The following KCNQ1OT1 variants were observed in gnomAD, a reference collection of about 807,000 sequenced individuals.
KCNQ1OT1 encodes the protein KCNQ1 opposite strand/antisense transcript 1, also known as KCNQ1 antisense RNA 2 (non-protein coding).
exon 1 of KCNQ1OT1, chr11:2,675,338 T>A (rs1850274823): frequency 5.0e-6 from 2 of 398,538 alleles, no homozygotes; most frequent in African/African-American, 2.1e-5. Flanking sequence ...TAAGTCATAT[T>A]TTTTTAATGA....
chr11:2,644,949 C>T (rs1590001764), exon 1 of KCNQ1OT1: 2 of 398,434 alleles, frequency 5.0e-6, no homozygotes, highest in Admixed American at 4.4e-5. Context: ...AGTGGCTGGC[C>T]CCGAATGCTT....
Position 2,673,864 on chromosome 11 carries a change from G to C in KCNQ1OT1, n.26131C>G. 2.5e-6 allele frequency: 1 copy of C among 398,670 alleles called. No homozygotes were observed. 24.7% of individuals were successfully genotyped at this position (398,670 alleles called of 1,614,324 possible). A position where few individuals can be genotyped will look rare whatever the true frequency, so the allele number is the denominator to read the frequency against. On this transcript the variant is annotated non_coding_transcript_exon_variant, in exon 1 of 1. Coordinates refer to ENST00000597346, the Ensembl canonical transcript of KCNQ1OT1. The surrounding 1 kb of genome is among the most constrained non-coding windows in gnomAD (Gnocchi z 4.5). ...AGAGTCAAGGTTGGATATGAAGAGG[G>C]ACTTCCTGAAAGCAGGCACAGGAAG...
rs921787266 is a variant in KCNQ1OT1 at position 2,673,569 on chromosome 11, A to G, written n.26426T>C. 4.0e-5 allele frequency: 16 copies of G among 398,618 alleles called. No homozygotes were observed. Among genetic ancestry groups the G allele is most frequent in the African/African-American group, 2.9e-4 (14 of 48,642 alleles). 24.7% of individuals were successfully genotyped at this position (398,618 alleles called of 1,614,324 possible). Reference sequence around the variant, plus strand: ...ATCCCCTCCCTGGCCATGCAGGTGGAAGACCCTATTACTTGGGCTAAAGAG... The same window carrying G: ...ATCCCCTCCCTGGCCATGCAGGTGGGAGACCCTATTACTTGGGCTAAAGAG... On this transcript the variant is annotated non_coding_transcript_exon_variant, in exon 1 of 1. Transcript: ENST00000597346. This position sits in a 1 kb window ranked among gnomAD's most constrained non-coding sequence, Gnocchi z 4.5.
At position 2,617,532 on chromosome 11, in the gene KCNQ1OT1, A is replaced by G; in HGVS notation, n.82463T>C. ...AATGCCACAATGAATATAGGAGCGC[A>G]GATATCTTTATGAGGTGGAGATTTC... On this transcript the variant is annotated non_coding_transcript_exon_variant, in exon 1 of 1. Transcript: ENST00000597346. The surrounding 1 kb of genome is among the most constrained non-coding windows in gnomAD (Gnocchi z 4.6). The G allele has an allele frequency of 2.5e-6, 1 of 398,490 alleles. No individual in the cohort carries two copies. The highest frequency in any genetic ancestry group is 1.3e-4 in the South Asian group (1 of 7,854). The allele number at this position is 398,490 out of a possible 1,614,324, so 24.7% of individuals were successfully genotyped here.
At position 2,620,509 on chromosome 11, in the gene KCNQ1OT1, C is replaced by G. The variant is rs1005002771; in HGVS notation, n.79486G>C. The G allele has an allele frequency of 5.3e-6, 2 of 379,834 alleles. No individual in the cohort carries two copies. The highest frequency in any genetic ancestry group is 9.3e-6 in the Non-Finnish European group (2 of 215,178). 23.5% of individuals were successfully genotyped at this position (379,834 alleles called of 1,614,324 possible). A position where few individuals can be genotyped will look rare whatever the true frequency, so the allele number is the denominator to read the frequency against. On this transcript the variant is annotated non_coding_transcript_exon_variant, in exon 1 of 1. Transcript: ENST00000597346. This position sits in a 1 kb window ranked among gnomAD's most constrained non-coding sequence, Gnocchi z 4.5. ...GGGATTACAGGTGAGAGCTACCGCA[C>G]CTGGCCGAATTCATTCATTTTTATG...
At chr11:2,699,696 C>G in exon 1 of KCNQ1OT1, 1 of 227,800 alleles carries the variant, frequency 4.4e-6, no homozygotes, top group Non-Finnish European at 6.8e-6. Context: ...CCCGGGTGCC[C>G]CGAGGAGAAC....
exon 1 of KCNQ1OT1, chr11:2,693,111 C>G (rs1485063690): frequency 1.3e-5 from 5 of 398,526 alleles, no homozygotes; most frequent in Admixed American, 4.4e-5. Flanking sequence ...GTCATTTGCC[C>G]CAAGACTACT....
At position 2,661,895 on chromosome 11, in the gene KCNQ1OT1, C is replaced by A; in HGVS notation, n.38100G>T. 6.2e-7 allele frequency: 1 copy of A among 1,608,568 alleles called. No individual in the cohort carries two copies. Among genetic ancestry groups the A allele is most frequent in the Non-Finnish European group, 8.5e-7 (1 of 1,175,598 alleles). On this transcript the variant is annotated non_coding_transcript_exon_variant, in exon 1 of 1. Transcript: ENST00000597346. This position sits in a 1 kb window ranked among gnomAD's most constrained non-coding sequence, Gnocchi z 5.9. The stretch of plus-strand genomic sequence containing the variant: ...CACCTGGCCCTGGGAGCTCACAGGC[C>A]TGGCTCCACAGCACTGGCAGGTTGG...
rs991846655 is a variant in KCNQ1OT1 at position 2,623,850 on chromosome 11, G to T, written n.76145C>A. On this transcript the variant is annotated non_coding_transcript_exon_variant, in exon 1 of 1. Coordinates refer to ENST00000597346, the Ensembl canonical transcript of KCNQ1OT1. The surrounding 1 kb of genome is among the most constrained non-coding windows in gnomAD (Gnocchi z 5.2). Reference sequence around the variant, plus strand: ...AATTTTATAAGAAACCACTGATTTCGATATACTCTGGATTCTTCGGGGGAT... The same window carrying T: ...AATTTTATAAGAAACCACTGATTTCTATATACTCTGGATTCTTCGGGGGAT... 3 of 398,338 alleles carry T rather than the reference G, an allele frequency of 7.5e-6. No homozygotes were observed. The highest frequency in any genetic ancestry group is 1.3e-5 in the Non-Finnish European group (3 of 226,038). The allele number at this position is 398,338 out of a possible 1,614,324, so 24.7% of individuals were successfully genotyped here. A position where few individuals can be genotyped will look rare whatever the true frequency, so the allele number is the denominator to read the frequency against.
In KCNQ1OT1 at chr11:2,687,063, C is replaced by A. The variant is rs1850502157; in HGVS notation, n.12932G>T. 2.5e-6 allele frequency: 1 copy of A among 398,530 alleles called. No individual in the cohort carries two copies. Among genetic ancestry groups the A allele is most frequent in the Admixed American group, 4.4e-5 (1 of 22,724 alleles). 24.7% of individuals were successfully genotyped at this position (398,530 alleles called of 1,614,324 possible). A position where few individuals can be genotyped will look rare whatever the true frequency, so the allele number is the denominator to read the frequency against. On this transcript the variant is annotated non_coding_transcript_exon_variant, in exon 1 of 1. Transcript: ENST00000597346. This position sits in a 1 kb window ranked among gnomAD's most constrained non-coding sequence, Gnocchi z 5.0. ...CCCAGCTCTGGGGGACAAGGACCCA[C>A]AAAGTGATGCAAGATATCCTGAGTT...
rs562094485 is a variant in KCNQ1OT1, at chr11:2,671,899, G to A, written n.28096C>T. 3.0e-5 allele frequency: 12 copies of A among 398,708 alleles called. No individual in the cohort carries two copies. The highest frequency in any genetic ancestry group is 4.1e-5 in the African/African-American group (2 of 48,756). The allele number at this position is 398,708 out of a possible 1,614,324, so 24.7% of individuals were successfully genotyped here. A position where few individuals can be genotyped will look rare whatever the true frequency, so the allele number is the denominator to read the frequency against. Reference sequence around the variant, plus strand: ...GGAGGTGGGCAGCACCAGGCAGCCAGCCTGTGGGCCCCGCTATGCTTCCTC... The same window carrying A: ...GGAGGTGGGCAGCACCAGGCAGCCAACCTGTGGGCCCCGCTATGCTTCCTC... On this transcript the variant is annotated non_coding_transcript_exon_variant, in exon 1 of 1. Coordinates refer to ENST00000597346, the Ensembl canonical transcript of KCNQ1OT1. The surrounding 1 kb of genome is among the most constrained non-coding windows in gnomAD (Gnocchi z 4.7).
chr11:2,616,212 T>A (rs1849061295), exon 1 of KCNQ1OT1: 1 of 397,498 alleles, frequency 2.5e-6, no homozygotes, highest in East Asian at 3.6e-5. Context: ...TTGTTTTTTT[T>A]TCTTATTTTT....
chr11:2,633,273 T>C, exon 1 of KCNQ1OT1: 2 of 398,556 alleles, frequency 5.0e-6, no homozygotes, highest in South Asian at 1.3e-4. Flanking sequence ...ATTCCTTGTA[T>C]ATTCCGGATA....
rs550005589 is a variant in KCNQ1OT1 at position 2,661,944 on chromosome 11, CCA to C, written n.38049_38050del. The C allele has an allele frequency of 6.6e-5, 107 of 1,614,022 alleles. No individual in the cohort carries two copies. Among genetic ancestry groups the C allele is most frequent in the Middle Eastern group, 1.6e-4 (1 of 6,084 alleles). ...GGGTGGGAGGCCTAACGTGCTGTCC[CCA>C]CACTTTCTCCTCAGTAAGGAAGAGC... On this transcript the variant is annotated non_coding_transcript_exon_variant, in exon 1 of 1. Transcript: ENST00000597346. The surrounding 1 kb of genome is among the most constrained non-coding windows in gnomAD (Gnocchi z 5.9).
rs558892058 is a variant in KCNQ1OT1 at position 2,698,252 on chromosome 11, A to G, written n.1743T>C. ...TGGATATTATCAGGAAAGTTTTTAT[A>G]CTTTGTGATAATCTAAGACAGAACT... On this transcript the variant is annotated non_coding_transcript_exon_variant, in exon 1 of 1. Transcript: ENST00000597346. The surrounding 1 kb of genome is among the most constrained non-coding windows in gnomAD (Gnocchi z 5.1). The G allele has an allele frequency of 3.8e-5, 15 of 398,648 alleles. No individual in the cohort carries two copies. The highest frequency in any genetic ancestry group is 2.5e-4 in the African/African-American group (12 of 48,752). 24.7% of individuals were successfully genotyped at this position (398,648 alleles called of 1,614,324 possible). A position where few individuals can be genotyped will look rare whatever the true frequency, so the allele number is the denominator to read the frequency against.
At chr11:2,625,869 C>G (rs552041559) in exon 1 of KCNQ1OT1, 2 of 398,584 alleles carry the variant, frequency 5.0e-6, no homozygotes, top group South Asian at 2.5e-4. Flanking sequence ...GTGCCTGGCC[C>G]TTTTGCCCAT....
exon 1 of KCNQ1OT1, chr11:2,628,011 C>T (rs1228251912): frequency 2.5e-6 from 1 of 398,582 alleles, no homozygotes; most frequent in Non-Finnish European, 4.4e-6. Context: ...TTGGCCACCC[C>T]CAAGTACTGG....
chr11:2,620,549 C>T lies in KCNQ1OT1; in HGVS notation n.79446G>A, dbSNP rs963370576. On this transcript the variant is annotated non_coding_transcript_exon_variant, in exon 1 of 1. Coordinates refer to ENST00000597346, the Ensembl canonical transcript of KCNQ1OT1. This position sits in a 1 kb window ranked among gnomAD's most constrained non-coding sequence, Gnocchi z 4.5. ...TCATTTTTATGGCTGCATAGTATTC[C>T]ATGGTGTACATGTACCACATTTTCT... The T allele has an allele frequency of 1.0e-5, 4 of 395,896 alleles. No homozygotes were observed. The highest frequency in any genetic ancestry group is 1.3e-5 in the Non-Finnish European group (3 of 224,994). 24.5% of individuals were successfully genotyped at this position (395,896 alleles called of 1,614,324 possible).
Position 2,612,173 on chromosome 11 carries a change from G to T in KCNQ1OT1, n.87822C>A. The stretch of plus-strand genomic sequence containing the variant: ...GAAACTGGGCTACACAGCAGGAGGT[G>T]AGCAGCAGGCAAGCAAGCATTACTG... On this transcript the variant is annotated non_coding_transcript_exon_variant, in exon 1 of 1. Transcript: ENST00000597346. This position sits in a 1 kb window ranked among gnomAD's most constrained non-coding sequence, Gnocchi z 5.5. 2.5e-6 allele frequency: 1 copy of T among 398,636 alleles called. No homozygotes were observed. Among genetic ancestry groups the T allele is most frequent in the South Asian group, 1.3e-4 (1 of 7,816 alleles). The allele number at this position is 398,636 out of a possible 1,614,324, so 24.7% of individuals were successfully genotyped here.
Sources: allele counts gnomAD v4.1 joint callset, GRCh38; gene constraint gnomAD v4.1.1; non-coding constraint Gnocchi (gnomAD v3.1); transcripts MANE v1.5; gene names NCBI Gene and HGNC (gene_info 2026-07-23, HGNC 2026-07-21).